FBN2: variants seen among roughly 807,000 people sequenced by gnomAD.
The protein encoded by FBN2 is fibrillin 2, also known as fibrillin-2.
Under a neutral mutation model 355.6 loss-of-function variants are expected in FBN2, and 105 were observed. The ratio of observed to expected loss-of-function variants is 0.30; its 90% CI spans 0.25 to 0.35. The LOEUF is 0.35. Among genes scored for constraint, FBN2 ranks in the 10% least tolerant of loss-of-function variants. The pLI is 1.00. For missense variants in FBN2, 3,280 were observed against 3,758.7 expected (o/e 0.87, Z 3.33); for synonymous variants, 1,350 against 1,301.2 (o/e 1.04, Z -0.81).
At chr5:128,485,229 C>T (rs1381401654) in intron 5 of FBN2, among the ~76,000 whole-genome samples, 1 of 140,340 alleles carries the variant, frequency 7.1e-6, no homozygotes, top group Admixed American at 7.1e-5. Flanking sequence ...TGCCATGTTG[C>T]CCAGGTTGGT....
intron 2 of FBN2, among the ~76,000 whole-genome samples, chr5:128,531,850 A>G (rs148166687): frequency 9.9e-4 from 151 of 152,078 alleles, no homozygotes; most frequent in African/African-American, 3.0e-3. Context: ...TTTTTTAATA[A>G]ACAGTTAAAG....
At chr5:128,440,256 A>T (rs1309528439) in intron 7 of FBN2, among the ~76,000 whole-genome samples, 1 of 152,218 alleles carries the variant, frequency 6.6e-6, no homozygotes, top group Non-Finnish European at 1.5e-5. Flanking sequence ...GACTATTGCT[A>T]CTGACTCCTG....
intron 5 of FBN2, among the ~76,000 whole-genome samples, chr5:128,512,457 G>A (rs1756156759): frequency 1.4e-5 from 2 of 142,272 alleles, no homozygotes; most frequent in Non-Finnish European, 3.0e-5. Flanking sequence ...AGATTGCAGT[G>A]AGCCAAGATC....
chr5:128,305,949 CTGAAA>C lies in FBN2; in HGVS notation c.5423-6_5423-2del. ...GGAATCTCTTTACATTCATCAATGT[CTGAAA>C]TGGAACAGATTTGGTCAAATATATG... On this transcript the variant is annotated splice_acceptor_variant and splice_polypyrimidine_tract_variant and intron_variant, in intron 42 of 64. Transcript: ENST00000262464. LOFTEE classifies it high-confidence loss of function. The C allele has an allele frequency of 6.2e-7, 1 of 1,613,492 alleles. No individual in the cohort carries two copies. Among genetic ancestry groups the C allele is most frequent in the Non-Finnish European group, 8.5e-7 (1 of 1,179,502 alleles).
intron 7 of FBN2, among the ~76,000 whole-genome samples, chr5:128,420,072 T>A (rs1753307616): frequency 6.6e-6 from 1 of 152,190 alleles, no homozygotes; most frequent in Non-Finnish European, 1.5e-5. Context: ...GGGCTGGATT[T>A]TTTTCTTCAA....
intron 34 of FBN2, among the ~76,000 whole-genome samples, chr5:128,320,314 A>G (rs1423662722): frequency 6.6e-6 from 1 of 151,826 alleles, no homozygotes; most frequent in South Asian, 2.1e-4. Context: ...TCCTGGGCTC[A>G]AGCAATCCTC....
chr5:128,273,948 G>A lies in FBN2; in HGVS notation c.7732C>T (p.Gln2578Ter). ...CCCTTTGCTCCACAAAGCGAAGGTT[G>A]AGACCCACATTCGTTGTTGTCTGGC... is the stretch of plus-strand genomic sequence containing the variant. ...ACIDNNECGS[Q>*]PSLCGAKGIC... The change falls in exon 61 of 65, where the codon CAA becomes TAA. Residue 2578 changes from glutamine to a stop codon, truncating the protein, a stop_gained. Transcript: ENST00000262464. LOFTEE classifies it high-confidence loss of function. 1 of 1,613,926 alleles carries A rather than the reference G, an allele frequency of 6.2e-7. No individual in the cohort carries two copies. The highest frequency in any genetic ancestry group is 8.5e-7 in the Non-Finnish European group (1 of 1,179,902).
At chr5:128,441,889 T>C (rs532123629) in intron 7 of FBN2, 2 of 152,538 alleles carry the variant, frequency 1.3e-5, no homozygotes, top group East Asian at 3.8e-4. Flanking sequence ...AGCAATCCCC[T>C]TGCTTCACTC....
At chr5:128,434,985 G>C (rs935143744) in intron 7 of FBN2, among the ~76,000 whole-genome samples, 2 of 151,974 alleles carry the variant, frequency 1.3e-5, no homozygotes, top group South Asian at 2.1e-4. Flanking sequence ...TGAATTGCAA[G>C]AATCATGTGA....
At chr5:128,514,793 C>A (rs1756235375) in intron 5 of FBN2, among the ~76,000 whole-genome samples, 1 of 152,148 alleles carries the variant, frequency 6.6e-6, no homozygotes, top group South Asian at 2.1e-4. Flanking sequence ...AGATTCTCGT[C>A]TTTCATCTTG....
At position 128,301,541 on chromosome 5, in the gene FBN2, A is replaced by C. The variant is rs1351440941; in HGVS notation, c.5918-31T>G. 3 of 1,607,188 alleles carry C rather than the reference A, an allele frequency of 1.9e-6. No homozygotes were observed. The Admixed American group carries it at 5.0e-5, about 27-fold the overall frequency. On this transcript the variant is annotated intron_variant, in intron 46 of 64. Coordinates refer to ENST00000262464, the MANE Select transcript of FBN2 (RefSeq NM_001999.4). ...AGCAAACAGGAGTATGTTTTTCAGA[A>C]AGAGCTCTTAACATGTATATTGTTT...
intron 55 of FBN2, among the ~76,000 whole-genome samples, chr5:128,285,575 G>C (rs1243863215): frequency 6.6e-6 from 1 of 152,146 alleles, no homozygotes; most frequent in Non-Finnish European, 1.5e-5. Context: ...TTTAGAGCTA[G>C]AGCAGATGCA....
chr5:128,403,734 G>A (rs1752857526), intron 8 of FBN2, among the ~76,000 whole-genome samples: 4 of 151,420 alleles, frequency 2.6e-5, no homozygotes, highest in Admixed American at 2.6e-4. Context: ...ACATGTTAGT[G>A]CTCTATGCTA....
intron 64 of FBN2, 48 bp downstream of exon 64, chr5:128,261,688 C>G: frequency 6.3e-7 from 1 of 1,583,282 alleles, no homozygotes; most frequent in Non-Finnish European, 8.7e-7. Context: ...GTATACATGA[C>G]TCCGTAGGGA....
At chr5:128,519,389 A>T in intron 4 of FBN2, 21 bp from the exon 5 acceptor site, 1 of 1,594,710 alleles carries the variant, frequency 6.3e-7, no homozygotes, top group Non-Finnish European at 8.6e-7. Context: ...AAATAGCAAG[A>T]AGCTCATTAT....
chr5:128,472,623 C>A (rs1040031716), intron 5 of FBN2, among the ~76,000 whole-genome samples: 1 of 152,058 alleles, frequency 6.6e-6, no homozygotes, highest in Non-Finnish European at 1.5e-5. Flanking sequence ...GAAACCCCAT[C>A]TCTACTAAAA....
At chr5:128,294,269 G>C (rs983692337) in intron 48 of FBN2, among the ~76,000 whole-genome samples, 7 of 151,904 alleles carry the variant, frequency 4.6e-5, no homozygotes, top group Non-Finnish European at 1.0e-4. Context: ...CCAAGTCTTT[G>C]CTATTGTGAA....
intron 11 of FBN2, among the ~76,000 whole-genome samples, chr5:128,380,707 T>G (rs926243044): frequency 6.6e-6 from 1 of 152,100 alleles, no homozygotes; most frequent in Non-Finnish European, 1.5e-5. Context: ...TCGTTTGTTT[T>G]CTGGGATTTT....
chr5:128,465,898 C>T (rs1007566224), intron 5 of FBN2, among the ~76,000 whole-genome samples: 3 of 152,180 alleles, frequency 2.0e-5, no homozygotes, highest in African/African-American at 7.2e-5. Context: ...TACCCTGACC[C>T]ACTAACCCAG....
Sources: gnomAD v4.1 joint callset for allele counts (sites outside exome capture counted in the v4.1 genomes callset) on GRCh38, gnomAD v4.1.1 for gene constraint, MANE v1.5 for transcripts, NCBI Gene and HGNC (gene_info 2026-07-23, HGNC 2026-07-21) for gene names.